ACOXL: variants seen among roughly 807,000 people sequenced by gnomAD.
ACOXL encodes acyl-coenzyme A oxidase-like protein.
Under a neutral mutation model 71.9 loss-of-function variants are expected in ACOXL, and 70 were observed. The observed-to-expected ratio is 0.97, with a 90% CI of 0.80 to 1.19. The LOEUF is 1.19. ACOXL is among the 50% of genes most tolerant of loss of function. The pLI, the probability that ACOXL is intolerant of heterozygous loss-of-function variation, is 0.00. For synonymous variants in ACOXL, 253 were observed against 281.6 expected (o/e 0.90, Z 1.02); for missense variants, 703 against 736.3 (o/e 0.95, Z 0.52).
In ACOXL at chr2:110,841,321, T is replaced by C. The variant is rs1352137861; in HGVS notation, c.754-50T>C. 3 of 1,423,216 alleles carry C rather than the reference T, an allele frequency of 2.1e-6. No homozygotes were observed. The African/African-American group carries it at 4.2e-5, about 20-fold the overall frequency. 88.2% of individuals were successfully genotyped at this position (1,423,216 alleles called of 1,614,324 possible). A position where few individuals can be genotyped will look rare whatever the true frequency, so the allele number is the denominator to read the frequency against. On this transcript the variant is annotated intron_variant, in intron 9 of 17. Transcript: ENST00000439055. ...CAAGTTAATTTTCTTGTGTGAATTC[T>C]GCATACTCTTGATATTACTTAATTT...
At chr2:110,907,591 T>C (rs1408596599) in intron 10 of ACOXL, among the ~76,000 whole-genome samples, 1 of 152,064 alleles carries the variant, frequency 6.6e-6, no homozygotes, top group Admixed American at 6.6e-5. Context: ...TGGGGTGGTA[T>C]TCTTGAAACA....
At chr2:110,764,203 C>G (rs1308185659) in intron 1 of ACOXL, among the ~76,000 whole-genome samples, 1 of 152,132 alleles carries the variant, frequency 6.6e-6, no homozygotes, top group African/African-American at 2.4e-5. Flanking sequence ...ACACAGAAAC[C>G]TGCACATGGA....
intron 10 of ACOXL, among the ~76,000 whole-genome samples, chr2:110,900,614 G>A (rs1380293062): frequency 6.6e-6 from 1 of 152,190 alleles, no homozygotes; most frequent in Non-Finnish European, 1.5e-5. Context: ...TCTTGTGCTG[G>A]TGATGCAGGT....
At chr2:111,006,633 A>G (rs1420535170) in intron 14 of ACOXL, among the ~76,000 whole-genome samples, 1 of 151,258 alleles carries the variant, frequency 6.6e-6, no homozygotes, top group Non-Finnish European at 1.5e-5. Flanking sequence ...ATCATGGCTC[A>G]CTGCAACCTT....
intron 9 of ACOXL, among the ~76,000 whole-genome samples, chr2:110,813,527 C>A (rs969062216): frequency 1.3e-5 from 2 of 152,168 alleles, no homozygotes; most frequent in Non-Finnish European, 1.5e-5. Context: ...CATGGAAGTC[C>A]TTTTGGCCAC....
intron 10 of ACOXL, among the ~76,000 whole-genome samples, chr2:110,869,831 G>T (rs1327524760): frequency 6.6e-6 from 1 of 152,220 alleles, no homozygotes; most frequent in Non-Finnish European, 1.5e-5. Flanking sequence ...CAGAGGCAAG[G>T]CAGCTGGTGC....
chr2:110,823,578 C>T (rs1688859513), intron 9 of ACOXL, among the ~76,000 whole-genome samples: 1 of 152,160 alleles, frequency 6.6e-6, no homozygotes, highest in African/African-American at 2.4e-5. Flanking sequence ...TGTGTTTTCA[C>T]CAGCAATTAA....
intron 14 of ACOXL, among the ~76,000 whole-genome samples, chr2:111,013,933 A>C (rs1392257816): frequency 6.6e-6 from 1 of 152,262 alleles, no homozygotes; most frequent in African/African-American, 2.4e-5. Flanking sequence ...AGGTTGGTTT[A>C]ATAGTCAAAA....
intron 9 of ACOXL, among the ~76,000 whole-genome samples, chr2:110,823,915 C>G (rs1317581611): frequency 6.6e-6 from 1 of 152,150 alleles, no homozygotes; most frequent in Non-Finnish European, 1.5e-5. Context: ...CTTCCAATCT[C>G]TGGCTTTTTA....
intron 16 of ACOXL, among the ~76,000 whole-genome samples, chr2:111,081,905 A>G (rs2067944008): frequency 6.6e-6 from 1 of 152,198 alleles, no homozygotes; most frequent in South Asian, 2.1e-4. Flanking sequence ...CAAACCTTAC[A>G]AAAACAAGCA....
intron 10 of ACOXL, among the ~76,000 whole-genome samples, chr2:110,863,200 GGA>G (rs1330616257): frequency 6.6e-6 from 1 of 152,156 alleles, no homozygotes; most frequent in African/African-American, 2.4e-5. Context: ...CACAAGAATG[GGA>G]GAGGCTTAGC....
chr2:111,091,505 C>T (rs2068521949), intron 16 of ACOXL, among the ~76,000 whole-genome samples: 1 of 152,170 alleles, frequency 6.6e-6, no homozygotes, highest in Non-Finnish European at 1.5e-5. Context: ...ATTTTTGTAG[C>T]ACATAAGAAG....
chr2:110,872,288 G>T (rs1040305443), intron 10 of ACOXL, among the ~76,000 whole-genome samples: 2 of 152,190 alleles, frequency 1.3e-5, no homozygotes, highest in Non-Finnish European at 2.9e-5. Flanking sequence ...CAAGCCTGAG[G>T]CCCGTCAGGA....
At chr2:111,019,426 G>T (rs1299168328) in intron 14 of ACOXL, among the ~76,000 whole-genome samples, 1 of 152,166 alleles carries the variant, frequency 6.6e-6, no homozygotes, top group Non-Finnish European at 1.5e-5. Context: ...TTTCTATTCC[G>T]AAAGGCTCGG....
intron 2 of ACOXL, among the ~76,000 whole-genome samples, chr2:110,775,003 A>G (rs1682461518): frequency 6.6e-6 from 1 of 152,252 alleles, no homozygotes; most frequent in African/African-American, 2.4e-5. Flanking sequence ...AAGAGCCCCT[A>G]GAAATAAAAC....
At chr2:111,044,245 C>G (rs1389507085) in intron 15 of ACOXL, among the ~76,000 whole-genome samples, 1 of 152,240 alleles carries the variant, frequency 6.6e-6, no homozygotes, top group East Asian at 1.9e-4. Flanking sequence ...AAGGTCTGTC[C>G]ACATCCCTGC....
intron 10 of ACOXL, among the ~76,000 whole-genome samples, chr2:110,883,913 CTTAAATA>C (rs2149107731): frequency 6.6e-6 from 1 of 152,174 alleles, no homozygotes; most frequent in East Asian, 1.9e-4. Context: ...ATAGTACACA[CTTAAATA>C]TTAGGGGAGG....
At chr2:111,040,343 A>G (rs754352) in intron 15 of ACOXL, among the ~76,000 whole-genome samples, 23,236 of 152,290 alleles carry the variant, frequency 0.15, 2,159 homozygotes, top group Middle Eastern at 0.22. Flanking sequence ...CTACTGCTGC[A>G]TGAAAAATAA....
At chr2:110,872,929 T>C (rs1364566634) in intron 10 of ACOXL, among the ~76,000 whole-genome samples, 6 of 152,228 alleles carry the variant, frequency 3.9e-5, no homozygotes, top group Admixed American at 2.6e-4. Context: ...CTCACGGGGC[T>C]GCGGGAGCAG....
Sources: allele counts gnomAD v4.1 joint callset (sites outside exome capture counted in the v4.1 genomes callset), GRCh38; gene constraint gnomAD v4.1.1; transcripts MANE v1.5; gene names NCBI Gene and HGNC (gene_info 2026-07-23, HGNC 2026-07-21).